Variants in CELF4 observed in about 807,000 individuals in gnomAD.
CELF4 encodes the protein CUGBP Elav-like family member 4.
A neutral mutation model predicts 59.9 loss-of-function variants in CELF4; 18 were observed. That is an observed-to-expected ratio of 0.30 (90% CI 0.21 to 0.45). The LOEUF is 0.45. Ranked by LOEUF, CELF4 falls within the 20% of genes least tolerant of loss-of-function variation. CELF4 has a pLI of 1.00. For missense variants in CELF4, 456 were observed against 689.0 expected (o/e 0.66, Z 3.79); for synonymous variants, 261 against 267.1 (o/e 0.98, Z 0.22).
chr18:37,556,845 T>C (rs1483310639), intron 1 of CELF4, among the ~76,000 whole-genome samples: 1 of 152,242 alleles, frequency 6.6e-6, no homozygotes, highest in Non-Finnish European at 1.5e-5. Flanking sequence ...CAGCCACGTA[T>C]GGCATTCAAA....
intron 2 of CELF4, among the ~76,000 whole-genome samples, chr18:37,412,902 G>A (rs1459022733): frequency 1.3e-5 from 2 of 152,072 alleles, no homozygotes; most frequent in Non-Finnish European, 2.9e-5. Flanking sequence ...GTGTGAGGTT[G>A]GTTGGTGAAT....
chr18:37,493,606 C>T (rs2099914706), intron 1 of CELF4, among the ~76,000 whole-genome samples: 1 of 151,812 alleles, frequency 6.6e-6, no homozygotes, highest in Non-Finnish European at 1.5e-5. Context: ...ATTGCTCAGG[C>T]CCCTGGTAGC....
rs117250816 is a variant in CELF4, at chr18:37,449,890, C to T, written c.369+35635G>A. ...GCTGGAGGCCCTTGGCTCTGGCTAC[C>T]ACCCCCTGCCCACCTTTCACTCTTC... On this transcript the variant is annotated intron_variant, in intron 2 of 12. Transcript: ENST00000420428. Among the ~76,000 whole-genome samples the T allele has an allele frequency of 4.5e-3, 690 of 152,338 alleles. 4 individuals are homozygous for T. The highest frequency in any genetic ancestry group is 8.1e-3 in the Non-Finnish European group (548 of 68,036).
chr18:37,275,002 C>T (rs1271515084), intron 4 of CELF4, 113 bp downstream of exon 4: 19 of 1,537,374 alleles, frequency 1.2e-5, no homozygotes, highest in East Asian at 2.3e-5. Flanking sequence ...GAAAGAGACA[C>T]CAAGAAGCCC....
At chr18:37,274,104 C>T in intron 6 of CELF4, 1 of 1,389,442 alleles carries the variant, frequency 7.2e-7, no homozygotes, top group Non-Finnish European at 9.3e-7. Context: ...AGCCCACCTC[C>T]TCCTGGCAGC....
Position 37,433,165 on chromosome 18 carries a change from C to T in CELF4, c.369+52360G>A, listed in dbSNP as rs190766530. ...AAGTTCAGTGCCTCCTACAATGGCC[C>T]CCTCTTCCCCAAGAAGTGACTGTGT... is the stretch of plus-strand genomic sequence containing the variant. On this transcript the variant is annotated intron_variant, in intron 2 of 12. Transcript: ENST00000420428. Among the ~76,000 whole-genome samples the T allele has an allele frequency of 1.8e-4, 28 of 152,290 alleles. No homozygotes were observed. The East Asian group carries it at 4.8e-3, about 26-fold the overall frequency.
intron 3 of CELF4, among the ~76,000 whole-genome samples, chr18:37,291,515 T>C (rs1324603416): frequency 6.6e-6 from 1 of 152,160 alleles, no homozygotes; most frequent in Non-Finnish European, 1.5e-5. Flanking sequence ...GGCTGGAGGC[T>C]TGCATTTGGT....
intron 2 of CELF4, among the ~76,000 whole-genome samples, chr18:37,444,702 G>A (rs571810609): frequency 1.3e-5 from 2 of 151,980 alleles, no homozygotes; most frequent in South Asian, 4.2e-4. Context: ...GGGAGGTGCA[G>A]GGGTGGGCTA....
intron 1 of CELF4, among the ~76,000 whole-genome samples, chr18:37,552,915 G>A (rs2099983684): frequency 6.6e-6 from 1 of 152,198 alleles, no homozygotes; most frequent in African/African-American, 2.4e-5. Flanking sequence ...AGCTGCTGTT[G>A]TGACGTGGTC....
chr18:37,526,945 T>G (rs1192410839), intron 1 of CELF4, among the ~76,000 whole-genome samples: 1 of 152,130 alleles, frequency 6.6e-6, no homozygotes, highest in Non-Finnish European at 1.5e-5. Flanking sequence ...CCACCCGACA[T>G]GTCCGGGCCT....
chr18:37,260,186 T>C (rs1484064565), intron 10 of CELF4, among the ~76,000 whole-genome samples: 5 of 152,194 alleles, frequency 3.3e-5, no homozygotes, highest in African/African-American at 1.2e-4. Context: ...CTAGCCTGTC[T>C]CCATAGAGTG....
intron 2 of CELF4, among the ~76,000 whole-genome samples, chr18:37,414,182 CCATT>C (rs1603637699): frequency 1.3e-5 from 2 of 150,024 alleles, no homozygotes; most frequent in Admixed American, 6.7e-5. Flanking sequence ...TCTTATTTTT[CCATT>C]CATTCATCTA....
intron 2 of CELF4, among the ~76,000 whole-genome samples, 174 bp from the exon 3 acceptor site, chr18:37,322,055 C>T (rs935710633): frequency 1.3e-5 from 2 of 152,238 alleles, no homozygotes; most frequent in African/African-American, 4.8e-5. Context: ...GCCCGTCTCC[C>T]CTCGACGGCA....
intron 3 of CELF4, among the ~76,000 whole-genome samples, chr18:37,316,642 G>T (rs1320131587): frequency 6.6e-6 from 1 of 151,996 alleles, no homozygotes; most frequent in African/African-American, 2.4e-5. Flanking sequence ...TCCACCTCTT[G>T]ATCTAATTCC....
chr18:37,539,066 G>T (rs1481045451), intron 1 of CELF4, among the ~76,000 whole-genome samples: 2 of 151,854 alleles, frequency 1.3e-5, no homozygotes, highest in Non-Finnish European at 2.9e-5. Flanking sequence ...GTCTCATCAG[G>T]GTTCTCAACG....
intron 1 of CELF4, among the ~76,000 whole-genome samples, chr18:37,491,632 C>G (rs1218122029): frequency 6.6e-6 from 1 of 151,976 alleles, no homozygotes; most frequent in Non-Finnish European, 1.5e-5. Context: ...GAAAAGTTGG[C>G]AGAGTGAGGA....
chr18:37,250,203 T>G (rs910059791), intron 12 of CELF4, among the ~76,000 whole-genome samples: 1 of 152,190 alleles, frequency 6.6e-6, no homozygotes, highest in East Asian at 1.9e-4. Flanking sequence ...GCTTCCTTCC[T>G]TATTTATTTC....
intron 2 of CELF4, among the ~76,000 whole-genome samples, chr18:37,329,851 A>G (rs1378692816): frequency 6.6e-6 from 1 of 152,228 alleles, no homozygotes; most frequent in Non-Finnish European, 1.5e-5. Flanking sequence ...GTGTGGCCAC[A>G]TGGGGTGGCC....
At chr18:37,560,544 T>C (rs569669936) in intron 1 of CELF4, among the ~76,000 whole-genome samples, 3 of 152,372 alleles carry the variant, frequency 2.0e-5, no homozygotes, top group African/African-American at 7.2e-5. Flanking sequence ...GTTTTCTGAT[T>C]ATGGCTATTC....
Sources: gnomAD v4.1 joint callset for allele counts (sites outside exome capture counted in the v4.1 genomes callset) on GRCh38, gnomAD v4.1.1 for gene constraint, MANE v1.5 for transcripts, NCBI Gene and HGNC (gene_info 2026-07-23, HGNC 2026-07-21) for gene names.